GAB1: variants seen among roughly 807,000 people sequenced by gnomAD.
The protein encoded by GAB1 is GRB2 associated binding protein 1, also known as GRB2-associated-binding protein 1.
A neutral mutation model predicts 66.5 loss-of-function variants in GAB1; 19 were observed. The observed-to-expected ratio is 0.29, with a 90% CI of 0.20 to 0.42. GAB1 has a LOEUF of 0.42. GAB1 is among the 10% of genes least tolerant of loss of function. GAB1 has a pLI of 1.00. For synonymous variants in GAB1, 294 were observed against 301.4 expected (o/e 0.98, Z 0.25); for missense variants, 732 against 858.5 (o/e 0.85, Z 1.84).
intron 1 of GAB1, among the ~76,000 whole-genome samples, chr4:143,397,142 T>G (rs182145954): frequency 6.6e-6 from 1 of 152,290 alleles, no homozygotes; most frequent in African/African-American, 2.4e-5. Flanking sequence ...TGACAGGAGC[T>G]TGGTGGACCA....
intron 1 of GAB1, among the ~76,000 whole-genome samples, chr4:143,388,952 A>G (rs1332037189): frequency 1.3e-5 from 2 of 152,072 alleles, no homozygotes; most frequent in Non-Finnish European, 2.9e-5. Context: ...GTGGGCAGAA[A>G]CCCCTGTGAG....
At chr4:143,440,517 T>A in intron 6 of GAB1, 135 bp downstream of exon 6, 1 of 835,482 alleles carries the variant, frequency 1.2e-6, no homozygotes, top group Non-Finnish European at 1.8e-6. Flanking sequence ...TCAAGTTATT[T>A]AAGCAAAGCA....
At chr4:143,463,441 G>A (rs1311674401) in intron 8 of GAB1, among the ~76,000 whole-genome samples, 1 of 151,950 alleles carries the variant, frequency 6.6e-6, no homozygotes, top group Non-Finnish European at 1.5e-5. Flanking sequence ...TGGCCAACAT[G>A]GATAAACCCC....
chr4:143,385,025 T>C (rs1185851024), intron 1 of GAB1, among the ~76,000 whole-genome samples: 1 of 152,174 alleles, frequency 6.6e-6, no homozygotes, highest in Non-Finnish European at 1.5e-5. Context: ...CACAGTGGCT[T>C]GTCCTTGACC....
chr4:143,471,973 C>T lies in GAB1; in HGVS notation c.*2784C>T, dbSNP rs535495474. On this transcript the variant is annotated 3_prime_UTR_variant, in exon 10 of 10. Coordinates refer to ENST00000262994, the MANE Select transcript of GAB1 (RefSeq NM_002039.4). ...TAAAAACCACTGGTTAACGATGTGA[C>T]AGTTATGATCTTGGAGATTGGAAAT... 2.6e-5 allele frequency: 4 copies of T among 152,292 alleles called. No individual in the cohort carries two copies. The highest frequency in any genetic ancestry group is 4.4e-5 in the Non-Finnish European group (3 of 68,006). The allele number at this position is 152,292 out of a possible 1,614,324, so 9.4% of individuals were successfully genotyped here.
intron 6 of GAB1, among the ~76,000 whole-genome samples, chr4:143,452,374 G>A (rs1393537409): frequency 2.6e-5 from 4 of 152,000 alleles, no homozygotes; most frequent in Admixed American, 2.0e-4. Context: ...GCAAAGGGAG[G>A]GTATGAATCA....
chr4:143,390,869 G>T (rs71610442), intron 1 of GAB1, among the ~76,000 whole-genome samples: 1 of 152,108 alleles, frequency 6.6e-6, no homozygotes, highest in African/African-American at 2.4e-5. Flanking sequence ...AAGATAGGTC[G>T]CAGGTATGTC....
Position 143,438,159 on chromosome 4 carries a change from G to A in GAB1, c.754G>A (p.Ala252Thr), listed in dbSNP as rs1406763279. The A allele has an allele frequency of 3.7e-6, 6 of 1,613,794 alleles. No homozygotes were observed. In the Admixed American group the frequency reaches 1.0e-4, roughly 27 times the overall value. Residue 252 changes from alanine to threonine, a missense_variant, in exon 4 of 10, where the codon GCT (alanine) becomes ACT (threonine). Around this residue, in one of 4 missense-constraint regions of GAB1, gnomAD observed 427 missense variants for 420.6 expected, o/e 1.02. Transcript: ENST00000262994. ...CTCTCCACCTTCACGTGCCCCATCT[G>A]CTTCAGTTGACTCCAGCCTTTATAA... ...YDSPPSRAPS[A>T]SVDSSLYNLP...
intron 1 of GAB1, among the ~76,000 whole-genome samples, chr4:143,361,255 T>G (rs889813297): frequency 2.0e-5 from 3 of 152,344 alleles, no homozygotes; most frequent in Non-Finnish European, 2.9e-5. Flanking sequence ...TATTTTAGAT[T>G]ACTATTAAAA....
intron 6 of GAB1, among the ~76,000 whole-genome samples, chr4:143,447,298 G>A (rs1734612104): frequency 6.6e-6 from 1 of 152,088 alleles, no homozygotes; most frequent in South Asian, 2.1e-4. Flanking sequence ...GGTTCTATAT[G>A]AACTTTAAAG....
At chr4:143,380,877 C>T (rs777910139) in intron 1 of GAB1, 6 of 152,220 alleles carry the variant, frequency 3.9e-5, no homozygotes, top group Non-Finnish European at 7.3e-5. Context: ...ATATGCTTTC[C>T]GTTAACTAAT....
chr4:143,362,026 T>G (rs1467201361), intron 1 of GAB1, among the ~76,000 whole-genome samples: 8 of 151,978 alleles, frequency 5.3e-5, no homozygotes, highest in East Asian at 1.9e-4. Flanking sequence ...CCCAAGGTGC[T>G]GGGATTACAG....
chr4:143,354,305 TCTTC>T (rs1427543323), intron 1 of GAB1, among the ~76,000 whole-genome samples: 1 of 152,116 alleles, frequency 6.6e-6, no homozygotes, highest in Non-Finnish European at 1.5e-5. Flanking sequence ...GATTTTTTTT[TCTTC>T]CTTGTTATTT....
At chr4:143,429,099 TTTTATTTA>T (rs764094023) in intron 2 of GAB1, among the ~76,000 whole-genome samples, 1 of 152,112 alleles carries the variant, frequency 6.6e-6, no homozygotes, top group African/African-American at 2.4e-5. Flanking sequence ...CAGCAAGAAT[TTTTATTTA>T]TTTATTTATT....
chr4:143,439,310 G>A (rs2149756987), intron 4 of GAB1, among the ~76,000 whole-genome samples: 1 of 152,302 alleles, frequency 6.6e-6, no homozygotes, highest in African/African-American at 2.4e-5. Context: ...TAAACAGTAT[G>A]TGCTAAAATT....
intron 1 of GAB1, among the ~76,000 whole-genome samples, chr4:143,348,904 T>C (rs1729078869): frequency 6.6e-6 from 1 of 152,028 alleles, no homozygotes; most frequent in African/African-American, 2.4e-5. Context: ...CCTCCAGGAG[T>C]CCTTGACACT....
chr4:143,428,066 C>T (rs1733458226), intron 2 of GAB1, among the ~76,000 whole-genome samples: 1 of 152,220 alleles, frequency 6.6e-6, no homozygotes, highest in Non-Finnish European at 1.5e-5. Flanking sequence ...ATCTCCCCTG[C>T]TGTCAGTAGC....
chr4:143,371,114 G>A (rs1194025780), intron 1 of GAB1, among the ~76,000 whole-genome samples: 2 of 152,074 alleles, frequency 1.3e-5, no homozygotes, highest in East Asian at 3.9e-4. Flanking sequence ...GATCCCTGAG[G>A]AATCGCCACA....
chr4:143,452,366 A>G (rs769671859), intron 6 of GAB1, among the ~76,000 whole-genome samples: 7 of 152,208 alleles, frequency 4.6e-5, no homozygotes, highest in Non-Finnish European at 7.3e-5. Flanking sequence ...AGAGCAAAGC[A>G]AAGGGAGGGT....
Sources: allele counts gnomAD v4.1 joint callset (sites outside exome capture counted in the v4.1 genomes callset), GRCh38; gene constraint gnomAD v4.1.1; regional missense constraint gnomAD v4.1.1; transcripts MANE v1.5; gene names NCBI Gene and HGNC (gene_info 2026-07-23, HGNC 2026-07-21).